ADGRV1: variants seen among roughly 807,000 people sequenced by gnomAD.
The protein encoded by ADGRV1 is G-protein coupled receptor 98.
In ADGRV1, 359 loss-of-function variants were observed where a neutral mutation model predicts 596.2. That is an observed-to-expected ratio of 0.60 (90% CI 0.55 to 0.66). ADGRV1 has a LOEUF of 0.66. ADGRV1 is among the 30% of genes least tolerant of loss of function. ADGRV1 has a pLI of 0.00. For missense variants in ADGRV1, 7,274 were observed against 7,575.6 expected, an observed-to-expected ratio of 0.96 and a Z score of 1.48; for synonymous variants, 2,681 against 2,679.2, an observed-to-expected ratio of 1.00 and a Z score of -0.02.
At chr5:90,821,666 T>C (rs960353406) in intron 75 of ADGRV1, among the ~76,000 whole-genome samples, 1 of 151,804 alleles carries the variant, frequency 6.6e-6, no homozygotes, top group Non-Finnish European at 1.5e-5. Flanking sequence ...TCTGTTGGAA[T>C]AGCCTGCCGT....
chr5:90,959,217 A>G (rs1777759596), intron 83 of ADGRV1, among the ~76,000 whole-genome samples: 1 of 152,186 alleles, frequency 6.6e-6, no homozygotes, highest in Non-Finnish European at 1.5e-5. Context: ...ATCAGAAACT[A>G]AAATTTAATA....
intron 85 of ADGRV1, among the ~76,000 whole-genome samples, chr5:91,035,652 G>T (rs994039911): frequency 1.3e-5 from 2 of 151,440 alleles, no homozygotes; most frequent in Admixed American, 1.3e-4. Context: ...GCTTGGATAT[G>T]AATGATATAG....
In ADGRV1 at chr5:90,810,811, G is replaced by T; in HGVS notation, c.15551G>T (p.Gly5184Val). The T allele has an allele frequency of 3.1e-6, 5 of 1,614,016 alleles. No homozygotes were observed. Among genetic ancestry groups the T allele is most frequent in the Non-Finnish European group, 4.2e-6 (5 of 1,179,892 alleles). Residue 5184 changes from glycine to valine, a missense_variant, in exon 74 of 90, where the codon GGT (glycine) becomes GTT (valine). Physicochemically the swap from Gly to Val is moderately radical, Grantham distance 109. Coordinates refer to ENST00000405460, the MANE Select transcript of ADGRV1 (RefSeq NM_032119.4). Reference protein sequence around the residue: ...NVVAIVTEATGVSAIPEKLVT... With the variant: ...NVVAIVTEATVVSAIPEKLVT... ...GTTGCCATTGTTACTGAGGCAACTG[G>T]TGTATCTGCCATCCCTGAGAAACTT...
intron 83 of ADGRV1, among the ~76,000 whole-genome samples, chr5:90,888,148 A>G (rs1284200644): frequency 6.6e-6 from 1 of 152,204 alleles, no homozygotes; most frequent in Non-Finnish European, 1.5e-5. Context: ...GTATCAAACT[A>G]CAATGTGTAT....
At chr5:91,038,137 T>C (rs964553700) in intron 85 of ADGRV1, among the ~76,000 whole-genome samples, 1 of 152,124 alleles carries the variant, frequency 6.6e-6, no homozygotes, top group African/African-American at 2.4e-5. Context: ...GTGGTAGGAA[T>C]TGTCAGGTGA....
At chr5:91,117,224 T>G (rs1271248576) in intron 87 of ADGRV1, among the ~76,000 whole-genome samples, 1 of 152,192 alleles carries the variant, frequency 6.6e-6, no homozygotes, top group Non-Finnish European at 1.5e-5. Context: ...GTCAAAAATA[T>G]AAAGTAAATT....
At chr5:90,749,521 A>C (rs544548084) in intron 52 of ADGRV1, among the ~76,000 whole-genome samples, 7 of 152,218 alleles carry the variant, frequency 4.6e-5, no homozygotes, top group Non-Finnish European at 7.3e-5. Context: ...ATGCTGTGTA[A>C]AATATTGCTA....
chr5:90,598,181 T>C (rs919487628), intron 1 of ADGRV1, among the ~76,000 whole-genome samples: 1 of 152,230 alleles, frequency 6.6e-6, no homozygotes, highest in Non-Finnish European at 1.5e-5. Context: ...ATTTTCGTCA[T>C]GTTTACTGCG....
intron 74 of ADGRV1, among the ~76,000 whole-genome samples, chr5:90,812,219 C>A (rs929145500): frequency 2.6e-5 from 4 of 152,122 alleles, no homozygotes; most frequent in Non-Finnish European, 4.4e-5. Flanking sequence ...AGCCACTGCA[C>A]CCGGCCTGAA....
At chr5:90,958,634 A>G (rs1777715709) in intron 83 of ADGRV1, among the ~76,000 whole-genome samples, 1 of 152,102 alleles carries the variant, frequency 6.6e-6, no homozygotes, top group Non-Finnish European at 1.5e-5. Context: ...CTTGGCTTTT[A>G]GGTGGCCATC....
At chr5:90,951,168 G>A (rs867416452) in intron 83 of ADGRV1, among the ~76,000 whole-genome samples, 19 of 152,190 alleles carry the variant, frequency 1.2e-4, no homozygotes, top group Middle Eastern at 3.4e-3. Context: ...AATGTCGTCC[G>A]TATAGCCCAC....
Position 90,823,422 on chromosome 5 carries a change from C to G in ADGRV1, c.16197-3C>G. On this transcript the variant is annotated splice_region_variant and splice_polypyrimidine_tract_variant and intron_variant, in intron 75 of 89. Transcript: ENST00000405460. ...AAGGCATTGGTGGGTTTCTTGCTCACAGGGCCTTTGAAGATGTCAAGGTCT... is the reference window on the plus strand; with the variant it reads ...AAGGCATTGGTGGGTTTCTTGCTCAGAGGGCCTTTGAAGATGTCAAGGTCT... 1 of 1,613,218 alleles carries G rather than the reference C, an allele frequency of 6.2e-7. No individual in the cohort carries two copies. Among genetic ancestry groups the G allele is most frequent in the Non-Finnish European group, 8.5e-7 (1 of 1,179,680 alleles).
At position 90,728,691 on chromosome 5, in the gene ADGRV1, G is replaced by A; in HGVS notation, c.10184G>A (p.Ser3395Asn). ...CAGGTCTTCAGGTGGAATGGAGGAA[G>A]CTTCGTGTTGCATCAAAAACTCCCT... Reference protein sequence around the residue: ...LTQVFRWNGGSFVLHQKLPVR... With the variant: ...LTQVFRWNGGNFVLHQKLPVR... The change falls in exon 49 of 90, where the codon AGC (serine) becomes AAC (asparagine). Residue 3395 changes from serine (S) to asparagine (N), a missense_variant. By Grantham distance (46) the Ser-to-Asn change is conservative. Around this residue, in one of 5 missense-constraint regions of ADGRV1, gnomAD observed 3,643 missense variants for 3,809.2 expected, o/e 0.96. Transcript: ENST00000405460. The A allele has an allele frequency of 6.2e-7, 1 of 1,611,444 alleles. No individual in the cohort carries two copies. The highest frequency in any genetic ancestry group is 1.1e-5 in the South Asian group (1 of 90,824).
At chr5:90,801,133 G>T (rs1468583676) in intron 70 of ADGRV1, among the ~76,000 whole-genome samples, 1 of 152,124 alleles carries the variant, frequency 6.6e-6, no homozygotes, top group Non-Finnish European at 1.5e-5. Context: ...TGCAGTCTTG[G>T]ATTACGGAAA....
chr5:90,853,628 AAGTGCTACACATGGTGAACT>A, intron 80 of ADGRV1, 95 bp downstream of exon 80: 2 of 1,176,478 alleles, frequency 1.7e-6, no homozygotes, highest in Non-Finnish European at 2.4e-6. Context: ...CAGTTTTGGT[AAGTGCTACACATGGTGAACT>A]ACTATGAAAT....
chr5:90,950,379 TG>T (rs1306520508), intron 83 of ADGRV1, among the ~76,000 whole-genome samples: 3 of 152,158 alleles, frequency 2.0e-5, no homozygotes, highest in Non-Finnish European at 4.4e-5. Context: ...TGGAGTGCAG[TG>T]GGGTGATCTC....
chr5:90,641,165 T>G (rs1766924006), intron 11 of ADGRV1, among the ~76,000 whole-genome samples: 1 of 152,236 alleles, frequency 6.6e-6, no homozygotes, highest in African/African-American at 2.4e-5. Context: ...TTAACTTTCC[T>G]TGTAGGTCCA....
chr5:91,152,943 C>T (rs1357090121), intron 88 of ADGRV1, among the ~76,000 whole-genome samples: 1 of 152,148 alleles, frequency 6.6e-6, no homozygotes, highest in Admixed American at 6.6e-5. Flanking sequence ...TAAGGCCAGG[C>T]ATGGTGGTTC....
chr5:90,880,803 A>T (rs1416875448), intron 83 of ADGRV1, among the ~76,000 whole-genome samples: 1 of 152,206 alleles, frequency 6.6e-6, no homozygotes, highest in East Asian at 1.9e-4. Flanking sequence ...TATTGTCCGT[A>T]TGTCAGGATA....
Sources: allele counts gnomAD v4.1 joint callset (sites outside exome capture counted in the v4.1 genomes callset), GRCh38; gene constraint gnomAD v4.1.1; regional missense constraint gnomAD v4.1.1; transcripts MANE v1.5; gene names NCBI Gene and HGNC (gene_info 2026-07-23, HGNC 2026-07-21).